Variants in UBOX5 observed in about 807,000 individuals in gnomAD.
UBOX5 encodes the protein U-box domain containing 5, also known as RING finger protein 37.
UBOX5 carries 28 observed loss-of-function variants against 39.0 expected under a neutral mutation model. The observed-to-expected ratio is 0.72, with a 90% CI of 0.53 to 0.98. The LOEUF is 0.98. Ranked by LOEUF, UBOX5 falls within the 50% of genes least tolerant of loss-of-function variation. The probability of loss-of-function intolerance (pLI) is 0.00; values close to 1 mark genes in which losing one functional copy is unlikely to be tolerated. For missense variants in UBOX5, 585 were observed against 674.4 expected (o/e 0.87, Z 1.47); for synonymous variants, 283 against 275.5 (o/e 1.03, Z -0.27).
Position 3,123,382 on chromosome 20 carries a change from A to G in UBOX5, c.-17T>C, listed in dbSNP as rs142583331. 7 of 1,613,172 alleles carry G rather than the reference A, an allele frequency of 4.3e-6. No individual in the cohort carries two copies. The highest frequency in any genetic ancestry group is 1.3e-5 in the African/African-American group (1 of 75,036). On this transcript the variant is annotated 5_prime_UTR_variant, in exon 2 of 5. Coordinates refer to ENST00000217173, the MANE Select transcript of UBOX5 (RefSeq NM_014948.4). ...TATTACCATCTTTGTGGCTGAGAGG[A>G]TATCTTCCAAGCATCAGAAGCAGCC...
intron 1 of UBOX5, among the ~76,000 whole-genome samples, chr20:3,124,372 G>A (rs556449571): frequency 7.9e-5 from 12 of 152,202 alleles, no homozygotes; most frequent in South Asian, 2.1e-4. Flanking sequence ...TGATCTGCCC[G>A]CCTTGGCCTC....
intron 1 of UBOX5, among the ~76,000 whole-genome samples, chr20:3,155,869 T>A (rs2066678815): frequency 6.6e-6 from 1 of 152,232 alleles, no homozygotes; most frequent in Non-Finnish European, 1.5e-5. Flanking sequence ...ACTTACTCTT[T>A]TCACTATGCA....
intron 4 of UBOX5, among the ~76,000 whole-genome samples, chr20:3,113,297 C>CAA (rs1170742055): frequency 6.3e-4 from 30 of 47,442 alleles, no homozygotes; most frequent in African/African-American, 1.0e-3. Context: ...GACTCTGTCT[C>CAA]AAAAAAAAAA....
chr20:3,147,233 A>G, intron 1 of UBOX5: 1 of 1,614,224 alleles, frequency 6.2e-7, no homozygotes, highest in Non-Finnish European at 8.5e-7. Flanking sequence ...TAATTTGGCT[A>G]CATTTTCAGC....
At chr20:3,147,061 G>A in intron 1 of UBOX5, 1 of 1,614,170 alleles carries the variant, frequency 6.2e-7, no homozygotes, top group Non-Finnish European at 8.5e-7. Flanking sequence ...CTGCTACATT[G>A]CAAAGGAAGC....
chr20:3,131,989 T>C (rs11908633), intron 1 of UBOX5, among the ~76,000 whole-genome samples: 3,680 of 74,766 alleles, frequency 0.049, 108 homozygotes, highest in Middle Eastern at 0.15. Context: ...GCCTGGGCAA[T>C]AGAGTGAGAC....
chr20:3,129,288 C>T (rs867983074), intron 1 of UBOX5, among the ~76,000 whole-genome samples: 1 of 152,190 alleles, frequency 6.6e-6, no homozygotes. Context: ...TGGCACTCCT[C>T]GTGGCTGCTG....
At chr20:3,154,032 T>A (rs745854474) in intron 1 of UBOX5, among the ~76,000 whole-genome samples, 1 of 152,166 alleles carries the variant, frequency 6.6e-6, no homozygotes, top group African/African-American at 2.4e-5. Flanking sequence ...GAAATCTACA[T>A]GAGGCAAAGA....
chr20:3,113,561 C>T (rs781525363), intron 4 of UBOX5, among the ~76,000 whole-genome samples: 12 of 152,182 alleles, frequency 7.9e-5, no homozygotes, highest in South Asian at 2.1e-4. Flanking sequence ...CTGCAGGAGT[C>T]TGGGAGTGAG....
chr20:3,145,103 C>T (rs1255698137), intron 1 of UBOX5, among the ~76,000 whole-genome samples: 1 of 151,538 alleles, frequency 6.6e-6, no homozygotes, highest in Non-Finnish European at 1.5e-5. Context: ...AATTTTAGAG[C>T]ACGTGAAAAG....
intron 4 of UBOX5, among the ~76,000 whole-genome samples, chr20:3,113,947 A>T (rs547687981): frequency 6.6e-6 from 1 of 152,320 alleles, no homozygotes; most frequent in South Asian, 2.1e-4. Flanking sequence ...CAGCCTGGCC[A>T]ACATGGTGAA....
chr20:3,116,277 T>C (rs959296751), intron 3 of UBOX5, among the ~76,000 whole-genome samples: 8 of 152,184 alleles, frequency 5.3e-5, no homozygotes, highest in Non-Finnish European at 1.2e-4. Context: ...AAGCAGTTTT[T>C]ACCGAATAGA....
intron 1 of UBOX5, chr20:3,147,484 T>G (rs763086762): frequency 3.1e-6 from 5 of 1,614,228 alleles, no homozygotes; most frequent in Admixed American, 1.7e-5. Flanking sequence ...GACGATTGCC[T>G]CTGTAATCTG....
In UBOX5 at chr20:3,121,668, A is replaced by T. The variant is rs2066337163; in HGVS notation, c.971T>A (p.Leu324His). The change falls in exon 3 of 5, where the codon CTC becomes CAC. Residue 324 changes from leucine (L) to histidine (H), a missense_variant. Transcript: ENST00000217173. ...PHSQPLPHPS[L>H]KARIDHFLLQ... ...CAGGAAATGGTCAATCCGGGCCTTG[A>T]GGGAGGGGTGAGGCAGGGGCTGAGA... The T allele has an allele frequency of 6.2e-7, 1 of 1,613,634 alleles. No individual in the cohort carries two copies. The highest frequency in any genetic ancestry group is 8.5e-7 in the Non-Finnish European group (1 of 1,179,940).
intron 1 of UBOX5, chr20:3,151,886 CT>C (rs1448568341): frequency 6.6e-6 from 1 of 151,482 alleles, no homozygotes; most frequent in Non-Finnish European, 1.5e-5. Context: ...AGGCAGATCA[CT>C]TGAGGTCAGG....
chr20:3,153,845 A>G (rs2066657123), intron 1 of UBOX5, among the ~76,000 whole-genome samples: 2 of 152,244 alleles, frequency 1.3e-5, no homozygotes, highest in African/African-American at 4.8e-5. Context: ...CTGACCAGTG[A>G]GCATTCCAAA....
At chr20:3,134,168 AT>A (rs1235349234) in intron 1 of UBOX5, among the ~76,000 whole-genome samples, 1 of 152,116 alleles carries the variant, frequency 6.6e-6, no homozygotes, top group Non-Finnish European at 1.5e-5. Flanking sequence ...ATGATAATAT[AT>A]TATGTGTATC....
intron 1 of UBOX5, among the ~76,000 whole-genome samples, chr20:3,158,359 G>A (rs1385669345): frequency 6.6e-6 from 1 of 152,160 alleles, no homozygotes; most frequent in Non-Finnish European, 1.5e-5. Flanking sequence ...AATGGATGGG[G>A]AAGAAAATCA....
At position 3,122,087 on chromosome 20, in the gene UBOX5, A is replaced by T. The variant is rs774066326; in HGVS notation, c.552T>A (p.Gly184=). 6.2e-7 allele frequency: 1 copy of T among 1,614,238 alleles called. No homozygotes were observed. Among genetic ancestry groups the T allele is most frequent in the Non-Finnish European group, 8.5e-7 (1 of 1,180,050 alleles). The change falls in exon 3 of 5, where the codon GGT becomes GGA. Residue 184 remains glycine, a synonymous_variant. Transcript: ENST00000217173. ...CTTCCAACCGCTTGATACAAGGGAT[A>T]CCGCCGCCTGTCACATGGGTGATAC... ...RICITHVTGG[G]IPCIKRLEVW... is the part of the protein sequence containing the mutation.
Sources: allele counts gnomAD v4.1 joint callset (sites outside exome capture counted in the v4.1 genomes callset), GRCh38; gene constraint gnomAD v4.1.1; transcripts MANE v1.5; gene names NCBI Gene and HGNC (gene_info 2026-07-23, HGNC 2026-07-21).